BTD: variants seen among roughly 807,000 people sequenced by gnomAD.
The protein encoded by BTD is biocytinase.
Under a neutral mutation model 17.7 loss-of-function variants are expected in BTD, and 13 were observed. That is an observed-to-expected ratio of 0.74 (90% CI 0.48 to 1.17). The LOEUF is 1.17. Among genes scored for constraint, BTD ranks in the 50% most tolerant of loss-of-function variants. The probability of loss-of-function intolerance (pLI) is 0.00; values close to 1 mark genes in which losing one functional copy is unlikely to be tolerated. For missense variants in BTD, 674 were observed against 650.4 expected (o/e 1.04, Z -0.39); for synonymous variants, 240 against 245.2 (o/e 0.98, Z 0.20).
At chr3:15,620,880 T>G (rs1339082910) in intron 1 of BTD, among the ~76,000 whole-genome samples, 1 of 152,234 alleles carries the variant, frequency 6.6e-6, no homozygotes, top group Non-Finnish European at 1.5e-5. Context: ...CACACAATTA[T>G]GGAGGCTGAA....
chr3:15,715,910 G>A (rs1375105726), downstream of BTD, among the ~76,000 whole-genome samples: 2 of 151,758 alleles, frequency 1.3e-5, no homozygotes, highest in African/African-American at 4.8e-5. Context: ...CTTGGCAAAA[G>A]GATTCTGTCT....
intron 3 of BTD, among the ~76,000 whole-genome samples, chr3:15,687,332 GATAT>G (rs113439164): frequency 2.1e-3 from 321 of 150,188 alleles, no homozygotes; most frequent in Admixed American, 5.6e-3. Context: ...AATTTCAAAT[GATAT>G]ATATATATAT....
chr3:15,694,865 T>C (rs1366918293), intron 3 of BTD: 1 of 1,541,100 alleles, frequency 6.5e-7, no homozygotes, highest in Non-Finnish European at 9.0e-7. Flanking sequence ...ACAGCAATTA[T>C]TCTCTCCCAC....
chr3:15,670,308 C>T (rs774271244), intron 3 of BTD: 59 of 1,613,788 alleles, frequency 3.7e-5, no homozygotes, highest in South Asian at 8.8e-5. Context: ...AGCTCATCCA[C>T]GTCAGTGTAT....
At chr3:15,661,339 T>A (rs372559876) in intron 3 of BTD, among the ~76,000 whole-genome samples, 1 of 151,874 alleles carries the variant, frequency 6.6e-6, no homozygotes, top group East Asian at 1.9e-4. Context: ...CATTTGGTGT[T>A]GTCAGTGTTC....
chr3:15,634,737 C>T (rs1456589115), intron 1 of BTD, among the ~76,000 whole-genome samples: 4 of 152,032 alleles, frequency 2.6e-5, no homozygotes, highest in Non-Finnish European at 5.9e-5. Flanking sequence ...TGTGCAATGG[C>T]GATTCTCAAG....
chr3:15,620,303 G>C (rs1234123830), intron 1 of BTD, among the ~76,000 whole-genome samples: 1 of 152,122 alleles, frequency 6.6e-6, no homozygotes, highest in Non-Finnish European at 1.5e-5. Flanking sequence ...GACATTCCCA[G>C]AACGGCCGTT....
In BTD at chr3:15,645,042, T is replaced by TCTGAGATGATGTATGACAATTTCACC; in HGVS notation, c.1130_1155dup (p.Val386ArgfsTer2). 6.2e-7 allele frequency: 1 copy of TCTGAGATGATGTATGACAATTTCACC among 1,614,186 alleles called. No individual in the cohort carries two copies. Among genetic ancestry groups the TCTGAGATGATGTATGACAATTTCACC allele is most frequent in the Non-Finnish European group, 8.5e-7 (1 of 1,180,022 alleles). On this transcript the variant is annotated frameshift_variant, in exon 4 of 4. Coordinates refer to ENST00000643237, the MANE Select transcript of BTD (RefSeq NM_001370658.1). LOFTEE classifies it low-confidence loss of function (END_TRUNC). Reference sequence around the variant, plus strand: ...CGTGAATGCTCCTCCCACATTTCACTCTGAGATGATGTATGACAATTTCAC... The same window carrying TCTGAGATGATGTATGACAATTTCACC: ...CGTGAATGCTCCTCCCACATTTCACTCTGAGATGATGTATGACAATTTCACCCTGAGATGATGTATGACAATTTCAC...
intron 2 of BTD, among the ~76,000 whole-genome samples, chr3:15,640,470 A>G (rs1454949883): frequency 6.6e-6 from 1 of 151,328 alleles, no homozygotes; most frequent in Non-Finnish European, 1.5e-5. Context: ...AGCTCACCGC[A>G]ACCTCTGCCT....
At chr3:15,606,208 G>T (rs538201571) in intron 1 of BTD, among the ~76,000 whole-genome samples, 72 of 152,176 alleles carry the variant, frequency 4.7e-4, no homozygotes, top group African/African-American at 1.3e-3. Context: ...TTGCATTAGA[G>T]TCACTTGGAA....
intron 3 of BTD, chr3:15,685,970 T>G: frequency 1.3e-6 from 2 of 1,574,272 alleles, no homozygotes; most frequent in Non-Finnish European, 1.7e-6. Context: ...TCATAAAAGC[T>G]TTTTGAAAGG....
chr3:15,708,267 A>G (rs1249684416), intron 3 of BTD, among the ~76,000 whole-genome samples: 1 of 152,222 alleles, frequency 6.6e-6, no homozygotes, highest in Non-Finnish European at 1.5e-5. Flanking sequence ...AGTATATGAA[A>G]TAAGATGAAA....
At chr3:15,695,287 A>G in intron 3 of BTD, 1 of 1,148,928 alleles carries the variant, frequency 8.7e-7, no homozygotes, top group South Asian at 1.4e-5. Flanking sequence ...ACTTATATAG[A>G]GCTTTGCTAA....
intron 3 of BTD, among the ~76,000 whole-genome samples, chr3:15,673,581 G>C (rs2066598734): frequency 6.6e-6 from 1 of 151,750 alleles, no homozygotes; most frequent in Non-Finnish European, 1.5e-5. Flanking sequence ...GGAAAGAGTG[G>C]AGCAGGTTAA....
At chr3:15,610,462 G>A (rs2064585257) in intron 1 of BTD, among the ~76,000 whole-genome samples, 1 of 152,184 alleles carries the variant, frequency 6.6e-6, no homozygotes, top group Non-Finnish European at 1.5e-5. Flanking sequence ...ATACAGAGAG[G>A]GGAGAAATTG....
At chr3:15,608,525 T>C (rs1354839674) in intron 1 of BTD, among the ~76,000 whole-genome samples, 1 of 152,160 alleles carries the variant, frequency 6.6e-6, no homozygotes, top group Non-Finnish European at 1.5e-5. Flanking sequence ...CCCAACACTT[T>C]GGGAGGCCAA....
At chr3:15,695,674 C>G (rs2069435525) in intron 3 of BTD, among the ~76,000 whole-genome samples, 1 of 151,992 alleles carries the variant, frequency 6.6e-6, no homozygotes, top group South Asian at 2.1e-4. Flanking sequence ...GTATTCTATT[C>G]CAGAATCAGA....
At chr3:15,712,083 C>G (rs955581350) in exon 4 of BTD, 1 of 1,334,702 alleles carries the variant, frequency 7.5e-7, no homozygotes, top group South Asian at 1.3e-5. Context: ...TAGAGACCAT[C>G]TAAAAATTTT....
At chr3:15,678,158 A>ATTGGGATC in intron 3 of BTD, 1 of 1,521,120 alleles carries the variant, frequency 6.6e-7, no homozygotes, top group Non-Finnish European at 8.8e-7. Context: ...TAAGTTATAC[A>ATTGGGATC]TAAGTGATAC....
Sources: gnomAD v4.1 joint callset for allele counts (sites outside exome capture counted in the v4.1 genomes callset) on GRCh38, gnomAD v4.1.1 for gene constraint, MANE v1.5 for transcripts, NCBI Gene and HGNC (gene_info 2026-07-23, HGNC 2026-07-21) for gene names.